Variants in BRWD1 observed in about 807,000 individuals in gnomAD.
The protein encoded by BRWD1 is bromodomain and WD repeat domain containing 1.
BRWD1 carries 82 observed loss-of-function variants against 251.2 expected under a neutral mutation model. That is an observed-to-expected ratio of 0.33 (90% CI 0.27 to 0.39). The LOEUF is 0.39. Ranked by LOEUF, BRWD1 falls within the 10% of genes least tolerant of loss-of-function variation. The pLI is 1.00. For synonymous variants in BRWD1, 918 were observed against 902.8 expected, an observed-to-expected ratio of 1.02 and a Z score of -0.30; for missense variants, 2,233 against 2,711.6, an observed-to-expected ratio of 0.82 and a Z score of 3.92.
rs1459963977 is a variant in BRWD1, at chr21:39,192,612, A to G, written c.*3647T>C. ...TACAGTATTTGGTGACAACTGCAAG[A>G]TACCTGATAAATAAATATATCAACT... is the stretch of plus-strand genomic sequence containing the variant. On this transcript the variant is annotated 3_prime_UTR_variant, in exon 41 of 41. Transcript: ENST00000342449. 1 of 984,080 alleles carries G rather than the reference A, an allele frequency of 1.0e-6. No individual in the cohort carries two copies. Among genetic ancestry groups the G allele is most frequent in the Non-Finnish European group, 1.2e-6 (1 of 828,848 alleles). The allele number at this position is 984,080 out of a possible 1,614,324, so 61.0% of individuals were successfully genotyped here. A position where few individuals can be genotyped will look rare whatever the true frequency, so the allele number is the denominator to read the frequency against.
intron 29 of BRWD1, among the ~76,000 whole-genome samples, chr21:39,222,253 C>A (rs2033208531): frequency 6.6e-6 from 1 of 152,162 alleles, no homozygotes; most frequent in Non-Finnish European, 1.5e-5. Flanking sequence ...GAGGACTATT[C>A]ACCGCCAAAT....
chr21:39,224,996 G>A, intron 28 of BRWD1, 90 bp downstream of exon 28: 1 of 1,012,156 alleles, frequency 9.9e-7, no homozygotes, highest in Non-Finnish European at 1.5e-6. Flanking sequence ...TAAAAACCAT[G>A]TTTTTTTAAA....
At chr21:39,287,041 T>G (rs1464333744) in intron 8 of BRWD1, among the ~76,000 whole-genome samples, 1 of 152,218 alleles carries the variant, frequency 6.6e-6, no homozygotes, top group Non-Finnish European at 1.5e-5. Flanking sequence ...AAATCTACCT[T>G]GCTGACATCA....
At chr21:39,211,461 G>A (rs1201683926) in intron 34 of BRWD1, among the ~76,000 whole-genome samples, 1 of 152,198 alleles carries the variant, frequency 6.6e-6, no homozygotes, top group East Asian at 1.9e-4. Context: ...GAGTCAGAGA[G>A]AGACTGAAAA....
At position 39,187,294 on chromosome 21, in the gene BRWD1, CG is replaced by C. The variant is rs780824508; in HGVS notation, c.*8964del. 25 of 1,613,968 alleles carry C rather than the reference CG, an allele frequency of 1.5e-5. No individual in the cohort carries two copies. The South Asian group carries it at 2.6e-4, about 17-fold the overall frequency. ...ATTTGCAGCAACAGTAGCACATCTG[CG>C]GGGAACTTTCTCAGGTACCATTTTT... On this transcript the variant is annotated 3_prime_UTR_variant, in exon 41 of 41. Transcript: ENST00000342449.
rs2031411825 is a variant in BRWD1 at position 39,189,154 on chromosome 21, A to G, written c.*7105T>C. The stretch of plus-strand genomic sequence containing the variant: ...TAAATATGCTACAAAGGGTAAACAA[A>G]AATTTTAAAATATGCAAAATTAAGG... On this transcript the variant is annotated 3_prime_UTR_variant, in exon 41 of 41. Transcript: ENST00000342449. 1.0e-6 allele frequency: 1 copy of G among 984,274 alleles called. No individual in the cohort carries two copies. Among genetic ancestry groups the G allele is most frequent in the Non-Finnish European group, 1.2e-6 (1 of 828,948 alleles). 61.0% of individuals were successfully genotyped at this position (984,274 alleles called of 1,614,324 possible). A position where few individuals can be genotyped will look rare whatever the true frequency, so the allele number is the denominator to read the frequency against.
At chr21:39,262,810 G>C (rs764173808) in intron 17 of BRWD1, among the ~76,000 whole-genome samples, 1 of 152,194 alleles carries the variant, frequency 6.6e-6, no homozygotes, top group Non-Finnish European at 1.5e-5. Context: ...AGAAAGGAGA[G>C]GACTGACTCC....
chr21:39,278,579 TG>T, intron 10 of BRWD1, 163 bp downstream of exon 10: 1 of 544,432 alleles, frequency 1.8e-6, no homozygotes. Flanking sequence ...ACTGGAGGAC[TG>T]GAAGAACAAG....
chr21:39,318,668 A>G (rs1055558482), upstream of BRWD1, among the ~76,000 whole-genome samples: 1 of 152,174 alleles, frequency 6.6e-6, no homozygotes, highest in Non-Finnish European at 1.5e-5. Context: ...CTTTAGAGAC[A>G]GTATGTCATT....
chr21:39,296,252 C>T lies in BRWD1; in HGVS notation c.448+13G>A, dbSNP rs1302767302. 6.3e-7 allele frequency: 1 copy of T among 1,576,558 alleles called. No homozygotes were observed. Among genetic ancestry groups the T allele is most frequent in the Non-Finnish European group, 8.6e-7 (1 of 1,165,020 alleles). ...CAATTATTTCAGGCATCTCAAAGGCCAACCTTACTTACCAAGATTTGGTGG... is the reference window on the plus strand; with the variant it reads ...CAATTATTTCAGGCATCTCAAAGGCTAACCTTACTTACCAAGATTTGGTGG... On this transcript the variant is annotated intron_variant, in intron 6 of 40. Transcript: ENST00000342449.
Position 39,304,114 on chromosome 21 carries a change from C to A in BRWD1, c.199-5532G>T, listed in dbSNP as rs28704013. Among the ~76,000 whole-genome samples the A allele has an allele frequency of 9.7e-4, 132 of 135,578 alleles. 1 individual carries two copies. In the East Asian group the frequency reaches 0.011, roughly 11 times the overall value. 88.9% of individuals were successfully genotyped at this position (135,578 alleles called of 152,430 possible). On this transcript the variant is annotated intron_variant, in intron 4 of 40. Coordinates refer to ENST00000342449, the MANE Select transcript of BRWD1 (RefSeq NM_033656.4). ...CGAGATTTCGCCATTGCACTCCAGC[C>A]TGGGCAACCAGAGTGAAACTCTTTC...
At chr21:39,246,202 C>A (rs889627319) in intron 21 of BRWD1, among the ~76,000 whole-genome samples, 3 of 151,916 alleles carry the variant, frequency 2.0e-5, no homozygotes, top group East Asian at 1.9e-4. Flanking sequence ...AGAATTCTTA[C>A]AACAATAAAA....
Position 39,191,368 on chromosome 21 carries a change from C to A in BRWD1, c.*4891G>T. 2 of 985,334 alleles carry A rather than the reference C, an allele frequency of 2.0e-6. No individual in the cohort carries two copies. Among genetic ancestry groups the A allele is most frequent in the Non-Finnish European group, 2.4e-6 (2 of 829,910 alleles). The allele number at this position is 985,334 out of a possible 1,614,324, so 61.0% of individuals were successfully genotyped here. On this transcript the variant is annotated 3_prime_UTR_variant, in exon 41 of 41. Coordinates refer to ENST00000342449, the MANE Select transcript of BRWD1 (RefSeq NM_033656.4). ...CCACTTGGGACAAGTCTGGAATTAA[C>A]CAGCTAGAATGTATTTGGCTTGGAG...
chr21:39,312,891 T>C lies in BRWD1; in HGVS notation c.148A>G (p.Lys50Glu). ...QELEQYQLLP[K>E]RLDWEGNEHN... ...TCGTTGCCCTCCCAGTCCAATCTCT[T>C]CGGCAACAACTGGAAAGACACGAAA... Residue 50 changes from lysine (K) to glutamate (E), a missense_variant, in exon 4 of 41, where the codon AAG becomes GAG. Physicochemically the swap from Lys to Glu is moderately conservative, Grantham distance 56. This residue lies in a region of BRWD1 where 101 missense variants were observed against 95.6 expected (regional missense o/e 1.06). Coordinates refer to ENST00000342449, the MANE Select transcript of BRWD1 (RefSeq NM_033656.4). 1 of 1,466,374 alleles carries C rather than the reference T, an allele frequency of 6.8e-7. No homozygotes were observed. Among genetic ancestry groups the C allele is most frequent in the Non-Finnish European group, 9.1e-7 (1 of 1,102,936 alleles). 90.8% of individuals were successfully genotyped at this position (1,466,374 alleles called of 1,614,324 possible).
chr21:39,218,346 C>T, intron 30 of BRWD1, 74 bp from the exon 31 acceptor site: 2 of 1,512,016 alleles, frequency 1.3e-6, no homozygotes, highest in Non-Finnish European at 1.8e-6. Context: ...AGAAATCATT[C>T]ATAAGATATG....
chr21:39,290,874 A>G (rs1390445749), intron 8 of BRWD1, among the ~76,000 whole-genome samples: 6 of 152,112 alleles, frequency 3.9e-5, no homozygotes, highest in Admixed American at 6.5e-5. Flanking sequence ...GCTCAGGCTT[A>G]TAATTCCAGC....
chr21:39,209,045 G>C (rs1268958556), intron 36 of BRWD1, among the ~76,000 whole-genome samples: 2 of 151,470 alleles, frequency 1.3e-5, no homozygotes, highest in Admixed American at 6.6e-5. Context: ...CTGCTTATGA[G>C]ATAAGAAGAA....
At chr21:39,270,978 G>C (rs1023943872) in intron 13 of BRWD1, among the ~76,000 whole-genome samples, 7 of 152,212 alleles carry the variant, frequency 4.6e-5, no homozygotes, top group African/African-American at 1.4e-4. Flanking sequence ...CACATGCCTA[G>C]AATGTTTTTC....
intron 19 of BRWD1, among the ~76,000 whole-genome samples, chr21:39,255,400 G>A (rs115259988): frequency 0.024 from 3,562 of 150,806 alleles, 74 homozygotes; most frequent in Middle Eastern, 0.037. Flanking sequence ...CAACGAGAGC[G>A]AAACTCCGTC....
Sources: gnomAD v4.1 joint callset for allele counts (sites outside exome capture counted in the v4.1 genomes callset) on GRCh38, gnomAD v4.1.1 for gene constraint, gnomAD v4.1.1 regional missense constraint, MANE v1.5 for transcripts, NCBI Gene and HGNC (gene_info 2026-07-23, HGNC 2026-07-21) for gene names.